Variants in LYN observed in about 807,000 individuals in gnomAD.
LYN encodes the protein LYN proto-oncogene, Src family tyrosine kinase, also known as tyrosine-protein kinase Lyn.
In LYN, 12 loss-of-function variants were observed where a neutral mutation model predicts 65.0. That is an observed-to-expected ratio of 0.18 (90% CI 0.12 to 0.30). The LOEUF is 0.30. Among genes scored for constraint, LYN ranks in the 10% least tolerant of loss-of-function variants. The pLI is 1.00. For missense variants in LYN, 380 were observed against 623.2 expected (o/e 0.61, Z 4.16); for synonymous variants, 222 against 221.2 (o/e 1.00, Z -0.03).
At chr8:55,921,121 G>A (rs768840421) in intron 1 of LYN, among the ~76,000 whole-genome samples, 3 of 152,206 alleles carry the variant, frequency 2.0e-5, no homozygotes, top group Non-Finnish European at 4.4e-5. Flanking sequence ...ACAATTTTGG[G>A]AGTTAACATT....
chr8:55,933,976 C>G (rs957120735), intron 1 of LYN, among the ~76,000 whole-genome samples: 1 of 152,124 alleles, frequency 6.6e-6, no homozygotes, highest in African/African-American at 2.4e-5. Flanking sequence ...ACCTGTAATC[C>G]CAGCACTTTG....
At chr8:55,949,427 G>A (rs79149277) in intron 4 of LYN, among the ~76,000 whole-genome samples, 12,880 of 152,236 alleles carry the variant, frequency 0.085, 1,157 homozygotes, top group African/African-American at 0.23. Flanking sequence ...TTCCATCACG[G>A]AGAGTGAATT....
At chr8:55,925,809 A>G (rs1182914220) in intron 1 of LYN, among the ~76,000 whole-genome samples, 1 of 152,136 alleles carries the variant, frequency 6.6e-6, no homozygotes, top group Non-Finnish European at 1.5e-5. Flanking sequence ...AATTTTTACA[A>G]CTATATTTTT....
At chr8:55,953,800 T>G in intron 7 of LYN, 32 bp from the exon 8 acceptor site, 1 of 1,609,728 alleles carries the variant, frequency 6.2e-7, no homozygotes, top group South Asian at 1.1e-5. Context: ...AGTATTGCAT[T>G]TCTTAACCTT....
Position 56,010,540 on chromosome 8 carries a change from A to G in LYN, c.*430A>G. Reference sequence around the variant, plus strand: ...TAAAATAACCGGATATATACATAGCATGACATTTCTTTGTGCTTTGGCTTA... The same window carrying G: ...TAAAATAACCGGATATATACATAGCGTGACATTTCTTTGTGCTTTGGCTTA... On this transcript the variant is annotated 3_prime_UTR_variant, in exon 13 of 13. Transcript: ENST00000519728. 1 of 231,888 alleles carries G rather than the reference A, an allele frequency of 4.3e-6. No homozygotes were observed. The highest frequency in any genetic ancestry group is 2.2e-5 in the African/African-American group (1 of 45,222). 14.4% of individuals were successfully genotyped at this position (231,888 alleles called of 1,614,324 possible).
At chr8:55,951,501 T>A (rs1319958341) in intron 6 of LYN, among the ~76,000 whole-genome samples, 1 of 151,894 alleles carries the variant, frequency 6.6e-6, no homozygotes, top group Non-Finnish European at 1.5e-5. Flanking sequence ...CCTGTTTCTA[T>A]AAGAAATTAA....
intron 10 of LYN, among the ~76,000 whole-genome samples, chr8:55,994,665 G>A (rs1355436515): frequency 2.0e-5 from 3 of 152,178 alleles, no homozygotes; most frequent in African/African-American, 7.2e-5. Context: ...GGTTGCTATT[G>A]TCAACTGTGG....
intron 1 of LYN, among the ~76,000 whole-genome samples, chr8:55,932,242 G>A (rs1336661511): frequency 1.3e-5 from 2 of 152,092 alleles, no homozygotes; most frequent in Non-Finnish European, 2.9e-5. Flanking sequence ...GTAAGGAGAG[G>A]TAAAGCAAGA....
At chr8:55,912,966 A>G (rs538838272) in intron 1 of LYN, among the ~76,000 whole-genome samples, 1 of 152,246 alleles carries the variant, frequency 6.6e-6, no homozygotes, top group South Asian at 2.1e-4. Context: ...TTGTATTATC[A>G]ATATTTAACC....
intron 4 of LYN, 45 bp from the exon 5 acceptor site, chr8:55,950,414 G>C: frequency 8.1e-7 from 1 of 1,231,786 alleles, no homozygotes; most frequent in East Asian, 2.3e-5. Flanking sequence ...CATGCATGGA[G>C]TATGTAATCT....
chr8:55,928,139 G>A (rs895294719), intron 1 of LYN, among the ~76,000 whole-genome samples: 6 of 152,034 alleles, frequency 3.9e-5, no homozygotes, highest in African/African-American at 1.2e-4. Context: ...ATATCTCATT[G>A]TTGCTTGGTT....
intron 1 of LYN, among the ~76,000 whole-genome samples, chr8:55,893,032 C>G (rs903997425): frequency 4.6e-5 from 7 of 151,794 alleles, no homozygotes; most frequent in Admixed American, 3.3e-4. Flanking sequence ...AATTGAAAAG[C>G]AGTACAAAGC....
chr8:55,994,287 A>G (rs987460659), intron 10 of LYN, among the ~76,000 whole-genome samples: 1 of 152,192 alleles, frequency 6.6e-6, no homozygotes, highest in African/African-American at 2.4e-5. Flanking sequence ...TTGCTCCCAT[A>G]TTCATTATTT....
chr8:55,945,070 G>C (rs187947741), intron 2 of LYN, among the ~76,000 whole-genome samples: 181 of 152,232 alleles, frequency 1.2e-3, no homozygotes, highest in African/African-American at 4.3e-3. Context: ...ATGACAAAAT[G>C]CACGCTATGG....
chr8:55,978,678 A>G (rs1172109253), intron 10 of LYN, among the ~76,000 whole-genome samples: 1 of 152,212 alleles, frequency 6.6e-6, no homozygotes, highest in East Asian at 1.9e-4. Flanking sequence ...TGGGGACACC[A>G]GAAGCACAGT....
chr8:55,919,509 G>A (rs778235345), intron 1 of LYN, among the ~76,000 whole-genome samples: 27 of 152,150 alleles, frequency 1.8e-4, no homozygotes, highest in Non-Finnish European at 1.0e-4. Context: ...TACCATGGAG[G>A]GATGGGATGG....
Position 55,883,241 on chromosome 8 carries a change from A to G in LYN, c.-6+3138A>G, listed in dbSNP as rs1027962217. On this transcript the variant is annotated intron_variant, in intron 1 of 12. Coordinates refer to ENST00000519728, the MANE Select transcript of LYN (RefSeq NM_002350.4). ...TTTTGCACCATCGTAAAGTTGAAAA[A>G]TCATTAAGTTGCAGACCATCTGTGC... Among the ~76,000 whole-genome samples the G allele has an allele frequency of 7.9e-5, 12 of 152,370 alleles. No individual in the cohort carries two copies. The East Asian group carries it at 2.1e-3, about 27-fold the overall frequency.
intron 1 of LYN, among the ~76,000 whole-genome samples, chr8:55,880,717 C>T (rs1320277843): frequency 2.6e-5 from 4 of 152,240 alleles, no homozygotes; most frequent in Non-Finnish European, 4.4e-5. Flanking sequence ...TGCGGCGCCT[C>T]TCGGCCTGCC....
rs571245536 is a variant in LYN at position 55,992,175 on chromosome 8, A to G, written c.1051-6171A>G. Among the ~76,000 whole-genome samples the G allele has an allele frequency of 3.3e-5, 5 of 152,296 alleles. No individual in the cohort carries two copies. The East Asian group carries it at 9.7e-4, about 29-fold the overall frequency. Reference sequence around the variant, plus strand: ...TTGTCTTTGTTCACCCCTGGGCCTGACATTATAATGAAGAGAATCACATGG... The same window carrying G: ...TTGTCTTTGTTCACCCCTGGGCCTGGCATTATAATGAAGAGAATCACATGG... On this transcript the variant is annotated intron_variant, in intron 10 of 12. Transcript: ENST00000519728.
Sources: allele counts gnomAD v4.1 joint callset (sites outside exome capture counted in the v4.1 genomes callset), GRCh38; gene constraint gnomAD v4.1.1; transcripts MANE v1.5; gene names NCBI Gene and HGNC (gene_info 2026-07-23, HGNC 2026-07-21).